RBFOX1: variants seen among roughly 807,000 people sequenced by gnomAD.
RBFOX1 encodes RNA binding protein fox-1 homolog 1.
RBFOX1 carries 8 observed loss-of-function variants against 57.7 expected under a neutral mutation model. The ratio of observed to expected loss-of-function variants is 0.14; its 90% confidence interval spans 0.08 to 0.25. The LOEUF (loss-of-function observed/expected upper bound fraction) is 0.25. RBFOX1 is among the 10% of genes least tolerant of loss of function. The probability of loss-of-function intolerance (pLI) is 1.00; values close to 1 mark genes in which losing one functional copy is unlikely to be tolerated. For missense variants in RBFOX1, 611 were observed against 548.5 expected (o/e 1.11, Z -1.14); for synonymous variants, 326 against 222.4 (o/e 1.47, Z -4.15).
At position 6,843,312 on chromosome 16, in the gene RBFOX1, T is replaced by C. The variant is rs545027610; in HGVS notation, c.-16+188662T>C. On this transcript the variant is annotated intron_variant, in intron 3 of 15. Coordinates refer to ENST00000550418, the MANE Select transcript of RBFOX1 (RefSeq NM_018723.4). ...ACACAGAGTGGCCATGGTGGTCTTC[T>C]GGAGCAAATAGAGAAAACACATATT... Among the ~76,000 whole-genome samples, 4 of 152,184 alleles carry C rather than the reference T, an allele frequency of 2.6e-5. No homozygotes were observed. In the East Asian group the frequency reaches 7.7e-4, roughly 29 times the overall value.
chr16:6,971,502 G>C (rs142201260), intron 3 of RBFOX1, among the ~76,000 whole-genome samples: 20 of 124,132 alleles, frequency 1.6e-4, no homozygotes, highest in Non-Finnish European at 3.2e-4. Context: ...GAGAGAGAGA[G>C]AGAGTTGGTG....
At chr16:5,447,435 T>C (rs2068282663) in intron 1 of RBFOX1, among the ~76,000 whole-genome samples, 1 of 145,792 alleles carries the variant, frequency 6.9e-6, no homozygotes. Context: ...GTTTCACCCA[T>C]GCTGGAGTGC....
At chr16:5,594,289 C>T (rs996874400) in intron 2 of RBFOX1, among the ~76,000 whole-genome samples, 3 of 152,096 alleles carry the variant, frequency 2.0e-5, no homozygotes, top group Non-Finnish European at 2.9e-5. Flanking sequence ...TGTGGCTATT[C>T]ATAGGTGGGC....
At chr16:6,184,272 G>A (rs932672332) in intron 1 of RBFOX1, among the ~76,000 whole-genome samples, 1 of 152,112 alleles carries the variant, frequency 6.6e-6, no homozygotes, top group Non-Finnish European at 1.5e-5. Flanking sequence ...CCATATCAGA[G>A]GATGTTGAGC....
chr16:7,451,800 C>T (rs1406037378), intron 4 of RBFOX1, among the ~76,000 whole-genome samples: 1 of 151,766 alleles, frequency 6.6e-6, no homozygotes, highest in African/African-American at 2.4e-5. Context: ...GCTGAGACCA[C>T]TGGCCAGCCC....
At chr16:6,167,736 A>G (rs1345912844) in intron 1 of RBFOX1, among the ~76,000 whole-genome samples, 2 of 152,124 alleles carry the variant, frequency 1.3e-5, no homozygotes, top group African/African-American at 4.8e-5. Flanking sequence ...GGTCAGCCTC[A>G]TCATTCTTGG....
chr16:5,549,079 C>G (rs74545596), intron 2 of RBFOX1, among the ~76,000 whole-genome samples: 7,030 of 152,294 alleles, frequency 0.046, 179 homozygotes, highest in East Asian at 0.1. Context: ...AAAGAGACAT[C>G]CTCGTGGAGG....
chr16:5,303,845 C>G (rs916286933), intron 1 of RBFOX1, among the ~76,000 whole-genome samples: 1 of 151,860 alleles, frequency 6.6e-6, no homozygotes, highest in Non-Finnish European at 1.5e-5. Context: ...CCTTTTTTCC[C>G]CTGGAGCTAG....
intron 4 of RBFOX1, among the ~76,000 whole-genome samples, chr16:7,262,005 C>T (rs2094937067): frequency 1.3e-5 from 2 of 152,150 alleles, no homozygotes; most frequent in African/African-American, 4.8e-5. Flanking sequence ...CCTGATTATC[C>T]CTTTCTCTGT....
At chr16:5,240,600 T>G (rs1318771426) in intron 1 of RBFOX1, among the ~76,000 whole-genome samples, 1 of 152,164 alleles carries the variant, frequency 6.6e-6, no homozygotes, top group Non-Finnish European at 1.5e-5. Context: ...TCTTCCTGTT[T>G]TTCTTCCCTT....
intron 1 of RBFOX1, among the ~76,000 whole-genome samples, chr16:6,251,813 G>C (rs1320046036): frequency 1.3e-5 from 2 of 152,012 alleles, no homozygotes; most frequent in African/African-American, 4.8e-5. Context: ...TCAAAGCCCT[G>C]CCTCTCCTTG....
At chr16:5,273,818 T>C (rs866841095) in intron 1 of RBFOX1, among the ~76,000 whole-genome samples, 2 of 152,086 alleles carry the variant, frequency 1.3e-5, no homozygotes, top group South Asian at 4.2e-4. Flanking sequence ...TCGGGGGATG[T>C]AGTTCCTACC....
chr16:6,977,041 ATATC>A (rs1284688753), intron 3 of RBFOX1, among the ~76,000 whole-genome samples: 2 of 138,278 alleles, frequency 1.4e-5, no homozygotes, highest in African/African-American at 5.2e-5. Context: ...TATATCATAT[ATATC>A]ATATATCATG....
chr16:7,236,444 G>T (rs117196596), intron 4 of RBFOX1, among the ~76,000 whole-genome samples: 1 of 152,054 alleles, frequency 6.6e-6, no homozygotes, highest in South Asian at 2.1e-4. Flanking sequence ...TCTCCTCTCC[G>T]CTGTCATGCA....
chr16:7,172,471 CT>C (rs2080888124), intron 4 of RBFOX1, among the ~76,000 whole-genome samples: 1 of 152,174 alleles, frequency 6.6e-6, no homozygotes. Flanking sequence ...CACAACCACC[CT>C]TTGATCCCCA....
At chr16:5,676,914 A>G (rs2151428105) in intron 3 of RBFOX1, among the ~76,000 whole-genome samples, 1 of 152,336 alleles carries the variant, frequency 6.6e-6, no homozygotes, top group Non-Finnish European at 1.5e-5. Context: ...TATTCAATAA[A>G]TGTTGGTGAT....
chr16:6,115,170 T>C (rs532564307), intron 1 of RBFOX1, among the ~76,000 whole-genome samples: 1 of 152,320 alleles, frequency 6.6e-6, no homozygotes, highest in Non-Finnish European at 1.5e-5. Flanking sequence ...TACTAGTTCC[T>C]GCCATTTTAT....
chr16:5,305,386 C>G (rs1165793262), intron 1 of RBFOX1, among the ~76,000 whole-genome samples: 1 of 152,044 alleles, frequency 6.6e-6, no homozygotes, highest in Non-Finnish European at 1.5e-5. Flanking sequence ...TGCTGGGGGT[C>G]ACTTACATCT....
At chr16:7,198,010 T>C (rs1272708286) in intron 4 of RBFOX1, among the ~76,000 whole-genome samples, 4 of 129,588 alleles carry the variant, frequency 3.1e-5, no homozygotes, top group Admixed American at 3.1e-4. Flanking sequence ...TTTTTTTTTT[T>C]TTTTTTTTTT....
Sources: allele counts gnomAD v4.1 joint callset (sites outside exome capture counted in the v4.1 genomes callset), GRCh38; gene constraint gnomAD v4.1.1; transcripts MANE v1.5; gene names NCBI Gene and HGNC (gene_info 2026-07-23, HGNC 2026-07-21).